The following ANO2 variants were observed in gnomAD, a reference collection of about 807,000 sequenced individuals.
The protein encoded by ANO2 is anoctamin-2.
Under a neutral mutation model 124.2 loss-of-function variants are expected in ANO2, and 101 were observed. That is an observed-to-expected ratio of 0.81 (90% confidence interval 0.69 to 0.96). The LOEUF is 0.96. ANO2 is among the 40% of genes least tolerant of loss of function. The probability of loss-of-function intolerance (pLI) is 0.00; values close to 1 mark genes in which losing one functional copy is unlikely to be tolerated. For synonymous variants in ANO2, 486 were observed against 482.5 expected (o/e 1.01, Z -0.09); for missense variants, 1,293 against 1,274.5 (o/e 1.01, Z -0.22).
intron 1 of ANO2, among the ~76,000 whole-genome samples, chr12:5,926,798 C>T (rs939988857): frequency 4.5e-4 from 69 of 152,256 alleles, no homozygotes; most frequent in African/African-American, 1.4e-3. Context: ...GTGCAGGCCA[C>T]GAGGACCCAT....
chr12:5,923,212 A>G lies in ANO2; in HGVS notation c.23-408T>C, dbSNP rs954781387. 2.0e-5 allele frequency among the ~76,000 whole-genome samples: 3 copies of G among 147,280 alleles called. 1 individual carries two copies. The highest frequency in any genetic ancestry group is 7.6e-5 in the African/African-American group (3 of 39,730). ...CACACACACGCACGCACACACACCC[A>G]CATACACACACACATGCACACATAC... On this transcript the variant is annotated intron_variant, in intron 1 of 24. Coordinates refer to ENST00000682330, the MANE Select transcript of ANO2 (RefSeq NM_001364791.2).
At chr12:5,599,705 G>C in intron 19 of ANO2, 76 bp from the exon 20 acceptor site, 2 of 1,508,632 alleles carry the variant, frequency 1.3e-6, no homozygotes, top group South Asian at 2.5e-5. Context: ...AAAAGAAAAA[G>C]AACACAAAAG....
At chr12:5,741,684 G>A (rs1401473560) in intron 12 of ANO2, among the ~76,000 whole-genome samples, 2 of 152,194 alleles carry the variant, frequency 1.3e-5, no homozygotes, top group African/African-American at 4.8e-5. Flanking sequence ...CCAGTTCTGG[G>A]TGCTCATCTG....
chr12:5,924,610 G>A (rs987747017), intron 1 of ANO2, among the ~76,000 whole-genome samples: 2 of 152,222 alleles, frequency 1.3e-5, no homozygotes, highest in Non-Finnish European at 2.9e-5. Flanking sequence ...AGCTGAGTCA[G>A]GCAAGACGCT....
At chr12:5,726,468 A>T (rs1301067886) in intron 14 of ANO2, among the ~76,000 whole-genome samples, 2 of 152,204 alleles carry the variant, frequency 1.3e-5, no homozygotes, top group Non-Finnish European at 2.9e-5. Flanking sequence ...TATTGAAGGA[A>T]AACTTTCAGC....
intron 23 of ANO2, among the ~76,000 whole-genome samples, chr12:5,570,847 A>T (rs542695709): frequency 6.6e-6 from 1 of 152,330 alleles, no homozygotes; most frequent in South Asian, 2.1e-4. Context: ...GCTACTTAAA[A>T]CTGCCTCCTG....
intron 3 of ANO2, among the ~76,000 whole-genome samples, chr12:5,914,056 T>C (rs11609265): frequency 0.26 from 40,202 of 151,830 alleles, 6,010 homozygotes; most frequent in East Asian, 0.49. Flanking sequence ...AAAAATTAGC[T>C]GGGCATGGTG....
At chr12:5,748,900 A>C (rs1286758832) in intron 11 of ANO2, among the ~76,000 whole-genome samples, 2 of 148,106 alleles carry the variant, frequency 1.4e-5, no homozygotes, top group Non-Finnish European at 3.0e-5. Flanking sequence ...AAAACAAAAC[A>C]CTTGACAATT....
At chr12:5,863,433 G>A (rs1052119820) in intron 3 of ANO2, among the ~76,000 whole-genome samples, 6 of 152,210 alleles carry the variant, frequency 3.9e-5, no homozygotes, top group Non-Finnish European at 7.3e-5. Flanking sequence ...CTGAGGACCA[G>A]GCCTTGGGCC....
intron 14 of ANO2, among the ~76,000 whole-genome samples, chr12:5,711,343 C>A (rs74539540): frequency 0.027 from 4,172 of 152,126 alleles, 74 homozygotes; most frequent in Non-Finnish European, 0.038. Context: ...CCCTCTCTTG[C>A]TTCCTCTCTT....
rs1158244232 is a variant in ANO2 at position 5,908,901 on chromosome 12, T to C, written c.534+12139A>G. Among the ~76,000 whole-genome samples, 1 of 152,200 alleles carries C rather than the reference T, an allele frequency of 6.6e-6. No homozygotes were observed. Among genetic ancestry groups the C allele is most frequent in the African/African-American group, 2.4e-5 (1 of 41,442 alleles). The stretch of plus-strand genomic sequence containing the variant: ...TGCCTGAATGTAAACAGGAGCATTA[T>C]CTCCTCTGGAGAATGGCCTTCACTC... On this transcript the variant is annotated intron_variant, in intron 3 of 24. Coordinates refer to ENST00000682330, the MANE Select transcript of ANO2 (RefSeq NM_001364791.2). This position sits in a 1 kb window ranked among gnomAD's most constrained non-coding sequence, Gnocchi z 4.7.
chr12:5,782,627 A>G (rs1952432940), intron 10 of ANO2, among the ~76,000 whole-genome samples: 4 of 152,010 alleles, frequency 2.6e-5, no homozygotes, highest in Admixed American at 2.6e-4. Flanking sequence ...TGCACCAGTT[A>G]CTCCATCATG....
chr12:5,563,194 C>T lies in ANO2; in HGVS notation c.*105G>A. 8 of 1,441,666 alleles carry T rather than the reference C, an allele frequency of 5.5e-6. No individual in the cohort carries two copies. Among genetic ancestry groups the T allele is most frequent in the Non-Finnish European group, 7.4e-6 (8 of 1,083,954 alleles). The allele number at this position is 1,441,666 out of a possible 1,614,324, so 89.3% of individuals were successfully genotyped here. A position where few individuals can be genotyped will look rare whatever the true frequency, so the allele number is the denominator to read the frequency against. On this transcript the variant is annotated 3_prime_UTR_variant, in exon 25 of 25. Transcript: ENST00000682330. ...GCCCCCTCTTCAAGACCCCATCAAGCCAGGCCCCTGCAGACAGACAGCACG... is the reference window on the plus strand; with the variant it reads ...GCCCCCTCTTCAAGACCCCATCAAGTCAGGCCCCTGCAGACAGACAGCACG...
At chr12:5,668,639 G>A (rs920119607) in intron 14 of ANO2, among the ~76,000 whole-genome samples, 23 of 152,178 alleles carry the variant, frequency 1.5e-4, no homozygotes, top group East Asian at 1.4e-3. Context: ...TGTCCTGAAC[G>A]GTATTGCCTA....
chr12:5,802,445 T>C (rs1953069845), intron 9 of ANO2, among the ~76,000 whole-genome samples: 1 of 152,208 alleles, frequency 6.6e-6, no homozygotes, highest in Admixed American at 6.5e-5. Context: ...CCAGGCCAGC[T>C]CACACGCCTT....
intron 14 of ANO2, among the ~76,000 whole-genome samples, chr12:5,716,828 C>A (rs1950042446): frequency 6.6e-6 from 1 of 152,120 alleles, no homozygotes; most frequent in Non-Finnish European, 1.5e-5. Flanking sequence ...TTTCTTGGCC[C>A]TGGTTGGGCA....
At chr12:5,795,275 C>T (rs1027201459) in intron 10 of ANO2, among the ~76,000 whole-genome samples, 2 of 152,228 alleles carry the variant, frequency 1.3e-5, no homozygotes, top group Non-Finnish European at 1.5e-5. Context: ...CTCAGATCCT[C>T]GTGGAAGCTG....
chr12:5,893,481 CT>C (rs1192713334), intron 3 of ANO2, among the ~76,000 whole-genome samples: 2 of 150,216 alleles, frequency 1.3e-5, no homozygotes, highest in African/African-American at 2.4e-5. Context: ...TTTTTTTTCC[CT>C]TTTTTTCTTT....
intron 15 of ANO2, among the ~76,000 whole-genome samples, chr12:5,640,324 A>G (rs1565509270): frequency 6.6e-6 from 1 of 152,296 alleles, no homozygotes; most frequent in East Asian, 1.9e-4. Flanking sequence ...CCCGAACTTT[A>G]TCACAGAAAG....
Sources: allele counts gnomAD v4.1 joint callset (sites outside exome capture counted in the v4.1 genomes callset), GRCh38; gene constraint gnomAD v4.1.1; non-coding constraint Gnocchi (gnomAD v3.1); transcripts MANE v1.5; gene names NCBI Gene and HGNC (gene_info 2026-07-23, HGNC 2026-07-21).